Variants in MCPH1 observed in about 807,000 individuals in gnomAD.
MCPH1 encodes the protein microcephalin.
MCPH1 carries 104 observed loss-of-function variants against 84.5 expected under a neutral mutation model. The observed-to-expected ratio is 1.23, with a 90% CI of 1.05 to 1.45. The LOEUF (loss-of-function observed/expected upper bound fraction) is 1.45. Among genes scored for constraint, MCPH1 ranks in the 40% most tolerant of loss-of-function variants. The pLI is 0.00. For missense variants in MCPH1, 1,498 were observed against 1,005.7 expected (o/e 1.49, Z -6.62); for synonymous variants, 514 against 366.8 (o/e 1.40, Z -4.58).
intron 13 of MCPH1, chr8:6,626,038 C>G (rs1379375166): frequency 1.0e-6 from 1 of 985,306 alleles, no homozygotes; most frequent in Non-Finnish European, 1.2e-6. Context: ...CCGAGCACCA[C>G]AGTCCACCCG....
intron 12 of MCPH1, among the ~76,000 whole-genome samples, chr8:6,595,926 G>A (rs556363792): frequency 2.0e-5 from 3 of 152,310 alleles, no homozygotes; most frequent in Non-Finnish European, 4.4e-5. Context: ...AAGGGAAGAC[G>A]ATTAATCCCC....
chr8:6,542,144 C>T lies in MCPH1; in HGVS notation c.2214+42215C>T, dbSNP rs527765967. ...CCTTTTTAAATGAAACTAGAGCGTT[C>T]TTGCCTTTCTGAATTTAAGGCACAC... On this transcript the variant is annotated intron_variant, in intron 12 of 13. Transcript: ENST00000344683. Among the ~76,000 whole-genome samples the T allele has an allele frequency of 1.5e-3, 223 of 152,170 alleles. 2 individuals are homozygous for T. The highest frequency in any genetic ancestry group is 0.01 in the Middle Eastern group (3 of 292).
chr8:6,454,635 G>T (rs1805481140), intron 8 of MCPH1, among the ~76,000 whole-genome samples: 1 of 152,166 alleles, frequency 6.6e-6, no homozygotes, highest in Non-Finnish European at 1.5e-5. Context: ...TGTCTTCATG[G>T]CAAGACGCTG....
Position 6,480,704 on chromosome 8 carries a change from G to C in MCPH1, c.1974-10G>C, listed in dbSNP as rs762333683. On this transcript the variant is annotated splice_polypyrimidine_tract_variant and intron_variant, in intron 10 of 13. Transcript: ENST00000344683. ...CATTCATTTTGTTAATTTTTCCCCC[G>C]ATTTGACAGAAAGCAGAATGTCGTC... 1.9e-6 allele frequency: 3 copies of C among 1,614,036 alleles called. No homozygotes were observed. The East Asian group carries it at 6.7e-5, about 36-fold the overall frequency.
intron 12 of MCPH1, among the ~76,000 whole-genome samples, chr8:6,605,894 T>A (rs2062452): frequency 0.55 from 84,268 of 151,862 alleles, 23,869 homozygotes; most frequent in Middle Eastern, 0.67. Context: ...GATGGGTTTC[T>A]CCATGTTGGC....
chr8:6,472,657 G>T (rs539829737), intron 9 of MCPH1, among the ~76,000 whole-genome samples: 2 of 152,100 alleles, frequency 1.3e-5, no homozygotes, highest in East Asian at 3.9e-4. Context: ...TAGTAGAGAT[G>T]GGGTTTCGCC....
chr8:6,453,054 C>T (rs1354208150), intron 8 of MCPH1, among the ~76,000 whole-genome samples: 1 of 152,112 alleles, frequency 6.6e-6, no homozygotes, highest in Non-Finnish European at 1.5e-5. Flanking sequence ...ATGAAATCAC[C>T]TTGGGGAGTG....
chr8:6,568,096 T>C (rs1485597112), intron 12 of MCPH1, among the ~76,000 whole-genome samples: 1 of 152,192 alleles, frequency 6.6e-6, no homozygotes, highest in Non-Finnish European at 1.5e-5. Flanking sequence ...AAACCATAGC[T>C]ACCTACTCCC....
intron 1 of MCPH1, among the ~76,000 whole-genome samples, chr8:6,408,953 T>C (rs944098535): frequency 6.6e-6 from 1 of 152,036 alleles, no homozygotes; most frequent in African/African-American, 2.4e-5. Context: ...TGGCGCAATC[T>C]CGGCTCACTG....
At chr8:6,415,776 G>C (rs1301392023) in intron 3 of MCPH1, among the ~76,000 whole-genome samples, 1 of 152,146 alleles carries the variant, frequency 6.6e-6, no homozygotes, top group Non-Finnish European at 1.5e-5. Flanking sequence ...TGCTAAGATT[G>C]TTTGGCTGTC....
chr8:6,582,506 A>G (rs749352409), intron 12 of MCPH1, among the ~76,000 whole-genome samples: 1 of 152,144 alleles, frequency 6.6e-6, no homozygotes, highest in Non-Finnish European at 1.5e-5. Flanking sequence ...TTGATTCAGC[A>G]CACGTTCTCT....
At chr8:6,560,606 T>G (rs1179306809) in intron 12 of MCPH1, among the ~76,000 whole-genome samples, 1 of 152,154 alleles carries the variant, frequency 6.6e-6, no homozygotes, top group Non-Finnish European at 1.5e-5. Flanking sequence ...AAGATAAACA[T>G]TAAGTCATTC....
chr8:6,488,929 C>G (rs2979662), intron 11 of MCPH1, among the ~76,000 whole-genome samples: 46 of 151,936 alleles, frequency 3.0e-4, no homozygotes, highest in African/African-American at 1.1e-3. Flanking sequence ...CGGCGCCCTT[C>G]CTAGGAAGAT....
At chr8:6,564,626 C>G (rs1299239661) in intron 12 of MCPH1, among the ~76,000 whole-genome samples, 2 of 152,184 alleles carry the variant, frequency 1.3e-5, no homozygotes, top group African/African-American at 4.8e-5. Flanking sequence ...CCAGTGAGCG[C>G]TGAATAGCTG....
chr8:6,610,620 T>C (rs942081628), intron 12 of MCPH1, among the ~76,000 whole-genome samples: 2 of 152,202 alleles, frequency 1.3e-5, no homozygotes, highest in Non-Finnish European at 2.9e-5. Context: ...AGGCTTTCTT[T>C]TCCCCCATGA....
At chr8:6,539,323 C>T (rs764343287) in intron 12 of MCPH1, among the ~76,000 whole-genome samples, 1 of 152,172 alleles carries the variant, frequency 6.6e-6, no homozygotes, top group Non-Finnish European at 1.5e-5. Context: ...AGCTACTTGC[C>T]ATCTGTTGAC....
At chr8:6,579,964 C>T (rs1291683363) in intron 12 of MCPH1, among the ~76,000 whole-genome samples, 1 of 152,182 alleles carries the variant, frequency 6.6e-6, no homozygotes, top group Non-Finnish European at 1.5e-5. Context: ...AGGCCGTGCC[C>T]CTGCCAGAAA....
At chr8:6,511,893 G>C (rs1388431259) in intron 12 of MCPH1, among the ~76,000 whole-genome samples, 1 of 135,594 alleles carries the variant, frequency 7.4e-6, no homozygotes, top group Non-Finnish European at 1.6e-5. Flanking sequence ...CTTAATTTTT[G>C]TGCTTCTTTT....
At chr8:6,532,849 T>A (rs1819787422) in intron 12 of MCPH1, among the ~76,000 whole-genome samples, 1 of 152,196 alleles carries the variant, frequency 6.6e-6, no homozygotes, top group African/African-American at 2.4e-5. Flanking sequence ...CCTACCCAGC[T>A]GCAACTCTGA....
Sources: gnomAD v4.1 joint callset for allele counts (sites outside exome capture counted in the v4.1 genomes callset) on GRCh38, gnomAD v4.1.1 for gene constraint, MANE v1.5 for transcripts, NCBI Gene and HGNC (gene_info 2026-07-23, HGNC 2026-07-21) for gene names.